DPP4: variants seen among roughly 807,000 people sequenced by gnomAD.
DPP4 encodes the protein dipeptidyl peptidase 4.
DPP4 carries 93 observed loss-of-function variants against 122.4 expected under a neutral mutation model. The observed-to-expected ratio is 0.76, with a 90% CI of 0.64 to 0.90. The LOEUF (loss-of-function observed/expected upper bound fraction) is 0.90. Ranked by LOEUF, DPP4 falls within the 40% of genes least tolerant of loss-of-function variation. The pLI is 0.00. For missense variants in DPP4, 914 were observed against 907.3 expected, an observed-to-expected ratio of 1.01 and a Z score of -0.09; for synonymous variants, 321 against 302.9, an observed-to-expected ratio of 1.06 and a Z score of -0.62.
intron 23 of DPP4, among the ~76,000 whole-genome samples, chr2:161,999,428 TA>T (rs1701089036): frequency 6.6e-6 from 1 of 152,166 alleles, no homozygotes; most frequent in Admixed American, 6.5e-5. Context: ...CACCAACTAC[TA>T]AAAAGGAAAC....
chr2:162,053,438 A>C (rs1290722051), intron 2 of DPP4, among the ~76,000 whole-genome samples: 1 of 152,218 alleles, frequency 6.6e-6, no homozygotes, highest in Non-Finnish European at 1.5e-5. Context: ...AAAAAAAAAA[A>C]ACAAAAATAA....
rs75027527 is a variant in DPP4, at chr2:162,069,810, C to T, written c.94+3589G>A. 2.7e-3 allele frequency among the ~76,000 whole-genome samples: 410 copies of T among 152,304 alleles called. 2 individuals are homozygous for T. The highest frequency in any genetic ancestry group is 9.4e-3 in the African/African-American group (389 of 41,568). Reference sequence around the variant, plus strand: ...TCTCTGATTATTCCTGTCTCCTTCACATTTGGGTTTTCTCTTATTACTGAT... The same window carrying T: ...TCTCTGATTATTCCTGTCTCCTTCATATTTGGGTTTTCTCTTATTACTGAT... On this transcript the variant is annotated intron_variant, in intron 2 of 25. Coordinates refer to ENST00000360534, the MANE Select transcript of DPP4 (RefSeq NM_001935.4).
intron 2 of DPP4, among the ~76,000 whole-genome samples, chr2:162,069,503 G>C (rs1314887949): frequency 1.3e-5 from 2 of 152,158 alleles, no homozygotes; most frequent in Non-Finnish European, 2.9e-5. Flanking sequence ...GAGAGGCAGA[G>C]ATTTCTAAGA....
intron 10 of DPP4, among the ~76,000 whole-genome samples, chr2:162,028,701 C>A (rs1032721812): frequency 9.2e-5 from 14 of 152,186 alleles, no homozygotes; most frequent in African/African-American, 3.4e-4. Context: ...GGAGTAATTT[C>A]TGGATGTAAA....
intron 22 of DPP4, 40 bp from the exon 23 acceptor site, chr2:162,005,849 C>A: frequency 6.5e-7 from 1 of 1,545,208 alleles, no homozygotes; most frequent in Admixed American, 1.7e-5. Flanking sequence ...TTAATTCATA[C>A]AATAACAACT....
At chr2:162,023,193 CCT>C (rs1429549427) in intron 11 of DPP4, among the ~76,000 whole-genome samples, 4 of 152,252 alleles carry the variant, frequency 2.6e-5, no homozygotes, top group African/African-American at 2.4e-5. Flanking sequence ...TCCTTCAGCC[CCT>C]GTCACCTAGT....
chr2:162,050,171 C>G (rs1208286312), intron 2 of DPP4, among the ~76,000 whole-genome samples: 1 of 152,180 alleles, frequency 6.6e-6, no homozygotes, highest in Non-Finnish European at 1.5e-5. Context: ...CATCCAACCA[C>G]TCTTTCATGC....
chr2:162,064,464 G>A (rs1377951541), intron 2 of DPP4, among the ~76,000 whole-genome samples: 1 of 152,064 alleles, frequency 6.6e-6, no homozygotes. Context: ...GTTTGCTTTT[G>A]TTATTTACTA....
In DPP4 at chr2:162,046,831, G is replaced by T. The variant is rs1444321067; in HGVS notation, c.285+84C>A. 4 of 889,422 alleles carry T rather than the reference G, an allele frequency of 4.5e-6. No individual in the cohort carries two copies. In the Admixed American group the frequency reaches 7.3e-5, roughly 16 times the overall value. The allele number at this position is 889,422 out of a possible 1,614,324, so 55.1% of individuals were successfully genotyped here. A position where few individuals can be genotyped will look rare whatever the true frequency, so the allele number is the denominator to read the frequency against. ...CTGCAGAAAGAGTCCAACAGGTTGA[G>T]AAATGACAGTACTCGTGATTCCAAA... On this transcript the variant is annotated intron_variant, in intron 4 of 25. Coordinates refer to ENST00000360534, the MANE Select transcript of DPP4 (RefSeq NM_001935.4).
intron 11 of DPP4, among the ~76,000 whole-genome samples, chr2:162,024,086 A>G (rs1045434318): frequency 6.6e-6 from 1 of 152,158 alleles, no homozygotes; most frequent in Admixed American, 6.5e-5. Context: ...GAGAGCAGGG[A>G]TGGTAGGTGT....
chr2:162,032,904 G>A (rs111987954), intron 10 of DPP4, among the ~76,000 whole-genome samples: 1,721 of 152,228 alleles, frequency 0.011, 12 homozygotes, highest in Non-Finnish European at 0.019. Flanking sequence ...CAAAATGACC[G>A]TGGAGCTCCC....
At chr2:162,060,017 C>T (rs1480746732) in intron 2 of DPP4, among the ~76,000 whole-genome samples, 1 of 152,164 alleles carries the variant, frequency 6.6e-6, no homozygotes, top group Admixed American at 6.5e-5. Flanking sequence ...ATAGGCACAG[C>T]CAGTAACTAG....
intron 12 of DPP4, among the ~76,000 whole-genome samples, chr2:162,021,930 A>G (rs1284364823): frequency 6.6e-6 from 1 of 152,184 alleles, no homozygotes; most frequent in African/African-American, 2.4e-5. Flanking sequence ...CGGAGCTCTG[A>G]GCCCAGCTAG....
intron 5 of DPP4, among the ~76,000 whole-genome samples, chr2:162,042,484 C>A (rs1271424454): frequency 6.6e-6 from 1 of 152,028 alleles, no homozygotes; most frequent in Non-Finnish European, 1.5e-5. Flanking sequence ...ATAGTAGGAT[C>A]TAAAAAACAC....
rs201863607 is a variant in DPP4, at chr2:162,020,298, T to C, written c.1177-2A>G. 1.9e-6 allele frequency: 3 copies of C among 1,545,166 alleles called. No homozygotes were observed. The highest frequency in any genetic ancestry group is 1.2e-5 in the South Asian group (1 of 82,424). On this transcript the variant is annotated splice_acceptor_variant, in intron 13 of 25. Transcript: ENST00000360534. LOFTEE classifies it high-confidence loss of function. ...GCCTTTTGTAATAAATGTGCAGTCC[T>C]GATGGTTTTTTTTTTTTTTCAAAAA...
chr2:162,003,196 G>T (rs986435560), intron 23 of DPP4, among the ~76,000 whole-genome samples: 1 of 152,172 alleles, frequency 6.6e-6, no homozygotes, highest in Non-Finnish European at 1.5e-5. Flanking sequence ...CCCAGTGTGC[G>T]TGTGTTGCCA....
At position 162,028,462 on chromosome 2, in the gene DPP4, T is replaced by C. The variant is rs1683423357; in HGVS notation, c.888-3523A>G. Among the ~76,000 whole-genome samples, 3 of 152,342 alleles carry C rather than the reference T, an allele frequency of 2.0e-5. No homozygotes were observed. The East Asian group carries it at 5.8e-4, about 29-fold the overall frequency. On this transcript the variant is annotated intron_variant, in intron 10 of 25. Transcript: ENST00000360534. The stretch of plus-strand genomic sequence containing the variant: ...ATCCAACCAGCAGGATTATCATCTA[T>C]GCTTTGCATACTGCATGCTGCTTTT...
At chr2:162,038,758 A>G (rs2106124093) in intron 7 of DPP4, among the ~76,000 whole-genome samples, 191 bp downstream of exon 7, 1 of 152,276 alleles carries the variant, frequency 6.6e-6, no homozygotes, top group Non-Finnish European at 1.5e-5. Context: ...GAGAGTGAGT[A>G]GAGAGAAGGC....
chr2:162,009,595 T>C (rs1701370316), intron 20 of DPP4, among the ~76,000 whole-genome samples: 2 of 151,350 alleles, frequency 1.3e-5, no homozygotes, highest in African/African-American at 2.4e-5. Flanking sequence ...TTTCACAGTT[T>C]TATACAAAAA....
Sources: allele counts gnomAD v4.1 joint callset (sites outside exome capture counted in the v4.1 genomes callset), GRCh38; gene constraint gnomAD v4.1.1; transcripts MANE v1.5; gene names NCBI Gene and HGNC (gene_info 2026-07-23, HGNC 2026-07-21).